Variants in ARHGEF38 observed in about 807,000 individuals in gnomAD.
ARHGEF38 encodes Rho guanine nucleotide exchange factor 38, also known as Rho guanine nucleotide exchange factor (GEF) 38.
Under a neutral mutation model 79.9 loss-of-function variants are expected in ARHGEF38, and 79 were observed. The observed-to-expected ratio is 0.99, with a 90% CI of 0.82 to 1.19. The LOEUF is 1.19. Among genes scored for constraint, ARHGEF38 ranks in the 50% most tolerant of loss-of-function variants. ARHGEF38 has a pLI of 0.00. For missense variants in ARHGEF38, 962 were observed against 907.2 expected (o/e 1.06, Z -0.78); for synonymous variants, 366 against 328.3 (o/e 1.11, Z -1.24).
intron 1 of ARHGEF38, chr4:105,569,886 C>A (rs1390617061): frequency 1.3e-5 from 2 of 152,180 alleles, no homozygotes; most frequent in Admixed American, 6.5e-5. Context: ...TACTATTATT[C>A]TTTTTCTCTT....
At chr4:105,620,197 T>C (rs745696425) in intron 3 of ARHGEF38, among the ~76,000 whole-genome samples, 17 of 152,208 alleles carry the variant, frequency 1.1e-4, no homozygotes, top group Non-Finnish European at 1.9e-4. Context: ...TCAATCTTTA[T>C]AGATGGGAGT....
At chr4:105,598,157 A>T (rs1727665433) in intron 2 of ARHGEF38, among the ~76,000 whole-genome samples, 1 of 152,174 alleles carries the variant, frequency 6.6e-6, no homozygotes, top group South Asian at 2.1e-4. Flanking sequence ...TGCTTGAAAC[A>T]CCAGAAATCC....
intron 2 of ARHGEF38, among the ~76,000 whole-genome samples, chr4:105,599,881 T>G (rs1460648124): frequency 6.6e-6 from 1 of 152,174 alleles, no homozygotes; most frequent in African/African-American, 2.4e-5. Context: ...TGAAACACAT[T>G]TTTGTGTCAT....
chr4:105,594,788 C>T (rs1560709282), intron 2 of ARHGEF38, among the ~76,000 whole-genome samples: 1 of 152,180 alleles, frequency 6.6e-6, no homozygotes, highest in African/African-American at 2.4e-5. Flanking sequence ...CTTTACCGAA[C>T]TGATAATACA....
At chr4:105,637,601 C>T (rs1275975937) in intron 5 of ARHGEF38, among the ~76,000 whole-genome samples, 1 of 152,056 alleles carries the variant, frequency 6.6e-6, no homozygotes, top group Non-Finnish European at 1.5e-5. Flanking sequence ...CAGCCTGTGT[C>T]CCTGGCATTG....
rs567142299 is a variant in ARHGEF38 at position 105,665,913 on chromosome 4, T to C, written c.1546-264T>C. Reference sequence around the variant, plus strand: ...TACCTACTGCCATGAGCTCCTGAGCTTTTTTTCCAAGACTTCATTGCTATT... The same window carrying C: ...TACCTACTGCCATGAGCTCCTGAGCCTTTTTTCCAAGACTTCATTGCTATT... On this transcript the variant is annotated intron_variant, in intron 10 of 13. Transcript: ENST00000420470. 3.9e-5 allele frequency among the ~76,000 whole-genome samples: 6 copies of C among 152,286 alleles called. No homozygotes were observed. In the South Asian group the frequency reaches 1.0e-3, roughly 26 times the overall value.
At chr4:105,681,827 T>C (rs921152137), downstream of ARHGEF38, among the ~76,000 whole-genome samples, 2 of 152,198 alleles carry the variant, frequency 1.3e-5, no homozygotes, top group African/African-American at 4.8e-5. Flanking sequence ...AGGAGCTTAT[T>C]GTATACAAAG....
chr4:105,669,244 C>T (rs1414300686), intron 13 of ARHGEF38, among the ~76,000 whole-genome samples: 1 of 151,762 alleles, frequency 6.6e-6, no homozygotes, highest in Non-Finnish European at 1.5e-5. Flanking sequence ...ACAATTAAAC[C>T]TAAATAGCTA....
At chr4:105,632,125 G>T (rs921958231) in intron 4 of ARHGEF38, among the ~76,000 whole-genome samples, 6 of 152,120 alleles carry the variant, frequency 3.9e-5, no homozygotes. Flanking sequence ...GCGTTTCCCG[G>T]CTAGAATTGG....
intron 1 of ARHGEF38, among the ~76,000 whole-genome samples, chr4:105,587,000 A>G (rs905219956): frequency 1.3e-5 from 2 of 151,974 alleles, no homozygotes; most frequent in African/African-American, 4.8e-5. Flanking sequence ...AAGGGCCACA[A>G]TGCAGCCTCC....
At chr4:105,640,414 C>T (rs1729571758) in intron 5 of ARHGEF38, among the ~76,000 whole-genome samples, 2 of 152,202 alleles carry the variant, frequency 1.3e-5, no homozygotes, top group South Asian at 2.1e-4. Context: ...ACAATTAATG[C>T]CAAACTCACA....
chr4:105,555,206 T>C (rs980338095), intron 1 of ARHGEF38, among the ~76,000 whole-genome samples: 5 of 152,136 alleles, frequency 3.3e-5, no homozygotes, highest in Admixed American at 2.0e-4. Flanking sequence ...CAGCAGTTAA[T>C]ACATGCTTCT....
intron 1 of ARHGEF38, among the ~76,000 whole-genome samples, chr4:105,586,327 A>G (rs907300388): frequency 2.6e-5 from 4 of 151,986 alleles, no homozygotes; most frequent in Non-Finnish European, 4.4e-5. Context: ...AAAAGAGCAA[A>G]CAAAGATATC....
At chr4:105,643,154 T>C (rs1217933820) in intron 5 of ARHGEF38, among the ~76,000 whole-genome samples, 1 of 151,610 alleles carries the variant, frequency 6.6e-6, no homozygotes, top group Non-Finnish European at 1.5e-5. Context: ...TCAGTATAAA[T>C]ACTGAAAACA....
At chr4:105,663,056 G>C in intron 10 of ARHGEF38, among the ~76,000 whole-genome samples, 1 of 152,004 alleles carries the variant, frequency 6.6e-6, no homozygotes, top group Non-Finnish European at 1.5e-5. Flanking sequence ...GTGATACTTA[G>C]AGATTCATAT....
At chr4:105,666,728 T>G (rs1049815327) in intron 11 of ARHGEF38, among the ~76,000 whole-genome samples, 6 of 152,166 alleles carry the variant, frequency 3.9e-5, no homozygotes, top group African/African-American at 1.4e-4. Context: ...ATAAGCGTCT[T>G]GATTCTTGTC....
chr4:105,631,375 T>C (rs758401476), intron 4 of ARHGEF38: 1 of 1,007,152 alleles, frequency 9.9e-7, no homozygotes, highest in Non-Finnish European at 1.2e-6. Context: ...TCAAGGATTA[T>C]GTGAGATAAC....
chr4:105,647,137 A>G (rs865815597), intron 6 of ARHGEF38, among the ~76,000 whole-genome samples: 1 of 152,238 alleles, frequency 6.6e-6, no homozygotes, highest in Middle Eastern at 3.4e-3. Context: ...TATTCTTTAT[A>G]TTTTTCTGTT....
At position 105,667,473 on chromosome 4, in the gene ARHGEF38, C is replaced by T; in HGVS notation, c.1918C>T (p.Leu640=). ...GAAAGGATATGTTTATTCCTCCTTC[C>T]TAAAACCCTACAATCCAGCAAAAAT... ...NVKGYVYSSF[L]KPYNPAKMQK... Residue 640 remains leucine, a synonymous_variant, in exon 13 of 14, where the codon CTA becomes TTA. Transcript: ENST00000420470. The T allele has an allele frequency of 6.5e-7, 1 of 1,536,200 alleles. No individual in the cohort carries two copies. Among genetic ancestry groups the T allele is most frequent in the Non-Finnish European group, 8.7e-7 (1 of 1,146,936 alleles).
Sources: allele counts gnomAD v4.1 joint callset (sites outside exome capture counted in the v4.1 genomes callset), GRCh38; gene constraint gnomAD v4.1.1; transcripts MANE v1.5; gene names NCBI Gene and HGNC (gene_info 2026-07-23, HGNC 2026-07-21).